SMYD3: variants seen among roughly 807,000 people sequenced by gnomAD.
SMYD3 encodes histone-lysine N-methyltransferase SMYD3.
A neutral mutation model predicts 57.7 loss-of-function variants in SMYD3; 36 were observed. The ratio of observed to expected loss-of-function variants is 0.62; its 90% CI spans 0.48 to 0.82. The LOEUF (loss-of-function observed/expected upper bound fraction) is 0.82. Ranked by LOEUF, SMYD3 falls within the 40% of genes least tolerant of loss-of-function variation. The probability of loss-of-function intolerance (pLI) is 0.00; values close to 1 mark genes in which losing one functional copy is unlikely to be tolerated. For missense variants in SMYD3, 515 were observed against 538.8 expected, an observed-to-expected ratio of 0.96 and a Z score of 0.44; for synonymous variants, 211 against 195.0, an observed-to-expected ratio of 1.08 and a Z score of -0.68.
intron 1 of SMYD3, among the ~76,000 whole-genome samples, chr1:246,454,978 A>C (rs11802785): frequency 0.21 from 32,335 of 152,090 alleles, 3,622 homozygotes; most frequent in Middle Eastern, 0.29. Flanking sequence ...CCCACTCTAC[A>C]ATACAACAAA....
intron 5 of SMYD3, among the ~76,000 whole-genome samples, chr1:246,296,371 T>A (rs2064795494): frequency 6.6e-6 from 1 of 152,344 alleles, no homozygotes; most frequent in African/African-American, 2.4e-5. Flanking sequence ...GCATGCTGAA[T>A]GTCTAGAATG....
chr1:246,190,361 T>C (rs979657613), intron 5 of SMYD3, among the ~76,000 whole-genome samples: 1 of 151,482 alleles, frequency 6.6e-6, no homozygotes, highest in Non-Finnish European at 1.5e-5. Context: ...CCAAGGAGGG[T>C]GGATCACAAG....
intron 1 of SMYD3, among the ~76,000 whole-genome samples, chr1:246,378,757 T>A (rs1354433457): frequency 4.7e-4 from 18 of 38,198 alleles, no homozygotes; most frequent in African/African-American, 6.5e-4. Flanking sequence ...TATAATATAT[T>A]TAATATATTA....
intron 11 of SMYD3, among the ~76,000 whole-genome samples, chr1:245,760,000 T>G (rs1445643073): frequency 2.0e-5 from 3 of 151,888 alleles, no homozygotes; most frequent in Non-Finnish European, 4.4e-5. Context: ...TGGAAAGAAA[T>G]AAAAGTAGAT....
intron 5 of SMYD3, among the ~76,000 whole-genome samples, chr1:246,019,911 A>G (rs2059441590): frequency 6.6e-6 from 1 of 152,228 alleles, no homozygotes; most frequent in Non-Finnish European, 1.5e-5. Flanking sequence ...GGCATGAAGC[A>G]ATTTAACAAG....
chr1:245,878,638 A>C (rs546836643), intron 8 of SMYD3, among the ~76,000 whole-genome samples: 2 of 152,354 alleles, frequency 1.3e-5, no homozygotes, highest in African/African-American at 4.8e-5. Context: ...GGAGTGCTAT[A>C]GAGAATGGGT....
At chr1:245,835,880 C>T (rs749936188) in intron 10 of SMYD3, among the ~76,000 whole-genome samples, 6 of 152,158 alleles carry the variant, frequency 3.9e-5, no homozygotes, top group Non-Finnish European at 7.3e-5. Context: ...TCCTTCTGTT[C>T]TCCGTCGACG....
At chr1:246,269,503 CT>C (rs1172719779) in intron 5 of SMYD3, among the ~76,000 whole-genome samples, 1 of 149,094 alleles carries the variant, frequency 6.7e-6, no homozygotes, top group Non-Finnish European at 1.5e-5. Context: ...GGAATTTATT[CT>C]GTCAAATATT....
intron 10 of SMYD3, among the ~76,000 whole-genome samples, chr1:245,792,927 A>G (rs953479154): frequency 1.3e-5 from 2 of 152,164 alleles, no homozygotes; most frequent in Non-Finnish European, 2.9e-5. Flanking sequence ...CTAAGTTATA[A>G]AACACTGTGC....
At chr1:246,312,184 G>A (rs1393053441) in intron 5 of SMYD3, among the ~76,000 whole-genome samples, 1 of 152,176 alleles carries the variant, frequency 6.6e-6, no homozygotes. Context: ...GATGAAGCTT[G>A]CAGGGTCCTC....
In SMYD3 at chr1:246,067,046, C is replaced by T. The variant is rs377567899; in HGVS notation, c.532-137109G>A. Among the ~76,000 whole-genome samples the T allele has an allele frequency of 1.3e-4, 20 of 152,218 alleles. No individual in the cohort carries two copies. In the East Asian group the frequency reaches 2.3e-3, roughly 18 times the overall value. ...AGATAGTCAATAAAAGTAAAAATTCCGGTGAATAAGAGCTGGTAGAGTCCT... is the reference window on the plus strand; with the variant it reads ...AGATAGTCAATAAAAGTAAAAATTCTGGTGAATAAGAGCTGGTAGAGTCCT... On this transcript the variant is annotated intron_variant, in intron 5 of 11. Transcript: ENST00000490107.
chr1:246,353,110 T>C (rs2065857817), intron 2 of SMYD3, among the ~76,000 whole-genome samples: 1 of 152,238 alleles, frequency 6.6e-6, no homozygotes. Context: ...TGCTTTTAGT[T>C]ACTCTTGTTG....
intron 5 of SMYD3, among the ~76,000 whole-genome samples, chr1:246,156,711 G>A (rs893078276): frequency 6.6e-6 from 1 of 152,186 alleles, no homozygotes; most frequent in Non-Finnish European, 1.5e-5. Context: ...TCTACAAGGT[G>A]TTTTGGGGAG....
chr1:246,409,257 A>G (rs1409941909), intron 1 of SMYD3, among the ~76,000 whole-genome samples: 3 of 152,174 alleles, frequency 2.0e-5, no homozygotes, highest in South Asian at 2.1e-4. Flanking sequence ...GCCCATGCCT[A>G]TGTCCTGAAT....
chr1:245,881,662 C>T lies in SMYD3; in HGVS notation c.814-17776G>A, dbSNP rs112440825. On this transcript the variant is annotated intron_variant, in intron 8 of 11. Coordinates refer to ENST00000490107, the MANE Select transcript of SMYD3 (RefSeq NM_001167740.2). ...CATTAGTACTTTCCTAACAAGTAAG[C>T]AAATACACAGCAAATATAAAAATGA... Among the ~76,000 whole-genome samples the T allele has an allele frequency of 5.4e-3, 816 of 152,172 alleles. 12 individuals carry two copies. Among genetic ancestry groups the T allele is most frequent in the African/African-American group, 0.018 (745 of 41,486 alleles).
chr1:246,231,436 A>G (rs942926109), intron 5 of SMYD3, among the ~76,000 whole-genome samples: 26 of 152,354 alleles, frequency 1.7e-4, no homozygotes, highest in African/African-American at 6.3e-4. Flanking sequence ...CATGTAATAT[A>G]ACAAATTTTA....
At chr1:246,128,174 G>T (rs1309327097) in intron 5 of SMYD3, among the ~76,000 whole-genome samples, 1 of 152,088 alleles carries the variant, frequency 6.6e-6, no homozygotes, top group Non-Finnish European at 1.5e-5. Context: ...TTCTCCACGA[G>T]GCCTAATGTG....
chr1:246,360,089 G>T (rs750652162), intron 1 of SMYD3, among the ~76,000 whole-genome samples: 1 of 152,070 alleles, frequency 6.6e-6, no homozygotes, highest in Non-Finnish European at 1.5e-5. Flanking sequence ...AAAGCTCCTC[G>T]AACTAGTACA....
intron 1 of SMYD3, among the ~76,000 whole-genome samples, chr1:246,494,712 T>TA (rs1404954384): frequency 6.6e-6 from 1 of 152,206 alleles, no homozygotes; most frequent in Admixed American, 6.6e-5. Flanking sequence ...ACACAGCAGC[T>TA]AAAAAATGCT....
Sources: gnomAD v4.1 joint callset for allele counts (sites outside exome capture counted in the v4.1 genomes callset) on GRCh38, gnomAD v4.1.1 for gene constraint, MANE v1.5 for transcripts, NCBI Gene and HGNC (gene_info 2026-07-23, HGNC 2026-07-21) for gene names.